The following TRIM44 variants were observed in gnomAD, a reference collection of about 807,000 sequenced individuals.
TRIM44 encodes the protein tripartite motif-containing protein 44.
TRIM44 carries 13 observed loss-of-function variants against 37.4 expected under a neutral mutation model. The observed-to-expected ratio is 0.35, with a 90% confidence interval of 0.23 to 0.55. TRIM44 has a LOEUF of 0.55. TRIM44 is among the 20% of genes least tolerant of loss of function. The probability of loss-of-function intolerance (pLI) is 0.89; values close to 1 mark genes in which losing one functional copy is unlikely to be tolerated. For missense variants in TRIM44, 426 were observed against 437.2 expected (o/e 0.97, Z 0.23); for synonymous variants, 175 against 157.2 (o/e 1.11, Z -0.85).
chr11:35,774,158 G>T (rs1852917083), intron 4 of TRIM44, among the ~76,000 whole-genome samples: 1 of 152,076 alleles, frequency 6.6e-6, no homozygotes, highest in Non-Finnish European at 1.5e-5. Context: ...TTTAATAATT[G>T]CCATTCTAAC....
chr11:35,700,197 C>G (rs1851766974), intron 2 of TRIM44, among the ~76,000 whole-genome samples: 1 of 152,152 alleles, frequency 6.6e-6, no homozygotes, highest in African/African-American at 2.4e-5. Context: ...CAGATCAGTG[C>G]TTTAAGTGCT....
chr11:35,667,984 TGTA>T (rs1851350703), intron 1 of TRIM44, among the ~76,000 whole-genome samples: 2 of 152,050 alleles, frequency 1.3e-5, no homozygotes, highest in Admixed American at 1.3e-4. Flanking sequence ...TGAGGCAGAG[TGTA>T]GTGTTTCTTA....
chr11:35,760,344 A>G (rs1413224919), intron 4 of TRIM44, among the ~76,000 whole-genome samples: 2 of 152,224 alleles, frequency 1.3e-5, no homozygotes, highest in Non-Finnish European at 2.9e-5. Flanking sequence ...ACCGTTGGAA[A>G]AGTGCAGTAT....
At chr11:35,681,551 T>G (rs1243461423) in intron 1 of TRIM44, among the ~76,000 whole-genome samples, 1 of 152,082 alleles carries the variant, frequency 6.6e-6, no homozygotes, top group Non-Finnish European at 1.5e-5. Flanking sequence ...ATGCATTGGG[T>G]GGGATGGAGG....
chr11:35,807,714 A>G lies in TRIM44; in HGVS notation c.*1329A>G, dbSNP rs938924137. On this transcript the variant is annotated 3_prime_UTR_variant, in exon 5 of 5. Coordinates refer to ENST00000299413, the MANE Select transcript of TRIM44 (RefSeq NM_017583.6). ...ATTATAGAATAAAATGTTCATACGC[A>G]TAGACTGTTAAGATAAAAAAATAGG... The G allele has an allele frequency of 4.6e-5, 7 of 152,250 alleles. No homozygotes were observed. The highest frequency in any genetic ancestry group is 7.3e-5 in the Non-Finnish European group (5 of 68,042). 9.4% of individuals were successfully genotyped at this position (152,250 alleles called of 1,614,324 possible). A position where few individuals can be genotyped will look rare whatever the true frequency, so the allele number is the denominator to read the frequency against.
chr11:35,719,205 A>G (rs1211571123), intron 2 of TRIM44, among the ~76,000 whole-genome samples: 3 of 152,146 alleles, frequency 2.0e-5, no homozygotes, highest in Non-Finnish European at 2.9e-5. Flanking sequence ...CACCGCAATG[A>G]ATGAGATTTT....
At chr11:35,755,510 T>G (rs1335556474) in intron 4 of TRIM44, among the ~76,000 whole-genome samples, 2 of 152,116 alleles carry the variant, frequency 1.3e-5, no homozygotes, top group Non-Finnish European at 2.9e-5. Flanking sequence ...TTAGTTTAAT[T>G]AGATCCCATT....
intron 1 of TRIM44, among the ~76,000 whole-genome samples, chr11:35,682,532 C>G (rs1191062936): frequency 6.6e-6 from 1 of 152,132 alleles, no homozygotes; most frequent in East Asian, 1.9e-4. Flanking sequence ...TTAAAAAAGC[C>G]TTTGGGAAAG....
intron 4 of TRIM44, among the ~76,000 whole-genome samples, chr11:35,764,497 T>C (rs1397162378): frequency 1.3e-5 from 2 of 152,174 alleles, no homozygotes; most frequent in African/African-American, 4.8e-5. Context: ...ATTAGTTGGG[T>C]CTCCATTAGC....
At chr11:35,803,643 C>G (rs758650643) in intron 4 of TRIM44, among the ~76,000 whole-genome samples, 2 of 152,174 alleles carry the variant, frequency 1.3e-5, no homozygotes, top group African/African-American at 2.4e-5. Context: ...ATCGCTTGAA[C>G]CCGGGAGGCG....
intron 4 of TRIM44, among the ~76,000 whole-genome samples, chr11:35,755,647 G>A (rs1331202615): frequency 1.3e-5 from 2 of 152,028 alleles, no homozygotes; most frequent in Non-Finnish European, 2.9e-5. Flanking sequence ...GGTCTAACAT[G>A]TAAGTCTTTA....
At chr11:35,772,474 A>G (rs1031151269) in intron 4 of TRIM44, among the ~76,000 whole-genome samples, 1 of 152,236 alleles carries the variant, frequency 6.6e-6, no homozygotes, top group African/African-American at 2.4e-5. Context: ...TAGGGAGGCT[A>G]TACCCTGCAA....
chr11:35,794,667 T>C (rs965921279), intron 4 of TRIM44, among the ~76,000 whole-genome samples: 13 of 152,318 alleles, frequency 8.5e-5, no homozygotes, highest in African/African-American at 3.1e-4. Context: ...GAGGTTGGAT[T>C]TACCTGTCAA....
At chr11:35,687,774 G>A (rs1236189092) in intron 2 of TRIM44, among the ~76,000 whole-genome samples, 3 of 152,174 alleles carry the variant, frequency 2.0e-5, no homozygotes, top group Non-Finnish European at 4.4e-5. Flanking sequence ...TGCATCATAA[G>A]GTAAAGGATA....
intron 3 of TRIM44, 108 bp from the exon 4 acceptor site, chr11:35,735,318 G>A (rs572814167): frequency 9.7e-7 from 1 of 1,029,420 alleles, no homozygotes; most frequent in Non-Finnish European, 1.5e-6. Flanking sequence ...TACAATAAAT[G>A]TATAGTCCAT....
At chr11:35,735,484 A>G in intron 4 of TRIM44, 39 bp downstream of exon 4, 1 of 1,610,864 alleles carries the variant, frequency 6.2e-7, no homozygotes, top group Admixed American at 1.7e-5. Context: ...TCATAATTGA[A>G]GTAGAGTGAC....
At chr11:35,786,756 A>T (rs548258611) in intron 4 of TRIM44, among the ~76,000 whole-genome samples, 250 of 152,286 alleles carry the variant, frequency 1.6e-3, no homozygotes, top group African/African-American at 5.2e-3. Flanking sequence ...TTTTTTAAAA[A>T]ACACAGTAAT....
intron 4 of TRIM44, among the ~76,000 whole-genome samples, chr11:35,743,284 T>G (rs982721075): frequency 1.3e-5 from 2 of 152,168 alleles, no homozygotes; most frequent in Non-Finnish European, 2.9e-5. Context: ...GTGTACCATG[T>G]TGAGGCACCA....
At chr11:35,688,241 A>C (rs543902349) in intron 2 of TRIM44, among the ~76,000 whole-genome samples, 10 of 152,292 alleles carry the variant, frequency 6.6e-5, no homozygotes, top group African/African-American at 2.4e-4. Flanking sequence ...ACTGAGCACT[A>C]TCTCTGCCTC....
Sources: gnomAD v4.1 joint callset for allele counts (sites outside exome capture counted in the v4.1 genomes callset) on GRCh38, gnomAD v4.1.1 for gene constraint, MANE v1.5 for transcripts, NCBI Gene and HGNC (gene_info 2026-07-23, HGNC 2026-07-21) for gene names.